The following MARCHF1 variants were observed in gnomAD, a reference collection of about 807,000 sequenced individuals.
MARCHF1 encodes the protein membrane associated ring-CH-type finger 1.
In MARCHF1, 40 loss-of-function variants were observed where a neutral mutation model predicts 54.2. The ratio of observed to expected loss-of-function variants is 0.74; its 90% confidence interval spans 0.57 to 0.96. The LOEUF (loss-of-function observed/expected upper bound fraction) is 0.96, where lower values mean the gene tolerates loss of function less well. Ranked by LOEUF, MARCHF1 falls within the 40% of genes least tolerant of loss-of-function variation. MARCHF1 has a pLI of 0.00. For missense variants in MARCHF1, 586 were observed against 656.5 expected, an observed-to-expected ratio of 0.89 and a Z score of 1.17; for synonymous variants, 236 against 236.3, an observed-to-expected ratio of 1.00 and a Z score of 0.01.
At chr4:164,376,213 T>G (rs1731186029) in intron 1 of MARCHF1, among the ~76,000 whole-genome samples, 1 of 152,210 alleles carries the variant, frequency 6.6e-6, no homozygotes, top group African/African-American at 2.4e-5. Flanking sequence ...TTAATCATTA[T>G]GTCAACAGAT....
intron 3 of MARCHF1, among the ~76,000 whole-genome samples, chr4:163,928,748 A>AATTGG (rs1751591853): frequency 6.6e-6 from 1 of 152,032 alleles, no homozygotes; most frequent in African/African-American, 2.4e-5. Context: ...AATCAAGGAA[A>AATTGG]ATTGGACATG....
intron 1 of MARCHF1, among the ~76,000 whole-genome samples, chr4:164,180,284 CAT>C (rs1194437114): frequency 1.3e-5 from 2 of 151,940 alleles, no homozygotes; most frequent in Non-Finnish European, 2.9e-5. Flanking sequence ...ATAAATTCAA[CAT>C]GTGCTGAATT....
chr4:163,624,814 T>C (rs1287548056), intron 5 of MARCHF1, among the ~76,000 whole-genome samples: 8 of 152,250 alleles, frequency 5.3e-5, no homozygotes, highest in Admixed American at 5.2e-4. Flanking sequence ...TCAATGCAGT[T>C]AATTGTTGAG....
chr4:163,549,680 ATTTTT>A (rs34896630), intron 8 of MARCHF1, among the ~76,000 whole-genome samples: 2 of 144,594 alleles, frequency 1.4e-5, no homozygotes, highest in Non-Finnish European at 3.0e-5. Context: ...CTTGCTTTTG[ATTTTT>A]TTTTTTTTTT....
intron 2 of MARCHF1, among the ~76,000 whole-genome samples, chr4:164,015,808 C>T (rs1449845503): frequency 1.3e-5 from 2 of 150,554 alleles, no homozygotes; most frequent in South Asian, 4.2e-4. Flanking sequence ...CAAGCAATAA[C>T]AAATGCGGAG....
rs72987772 is a variant in MARCHF1, at chr4:164,215,374, A to G, written c.-322-103712T>C. On this transcript the variant is annotated intron_variant, in intron 1 of 9. Transcript: ENST00000514618. ...GCTGCTTGTTTTCTTCCACCGATGC[A>G]TTCCTCTCCATGTCCAACTGCTTGT... Among the ~76,000 whole-genome samples the G allele has an allele frequency of 5.7e-3, 867 of 152,076 alleles. 10 individuals carry two copies. The highest frequency in any genetic ancestry group is 0.02 in the African/African-American group (839 of 41,498).
intron 7 of MARCHF1, among the ~76,000 whole-genome samples, chr4:163,606,273 T>C (rs776404678): frequency 6.6e-6 from 1 of 152,072 alleles, no homozygotes; most frequent in Non-Finnish European, 1.5e-5. Flanking sequence ...ATTGTCTCCA[T>C]GTTTTCTGCA....
chr4:164,010,230 C>T (rs1362019313), intron 2 of MARCHF1, among the ~76,000 whole-genome samples: 1 of 150,714 alleles, frequency 6.6e-6, no homozygotes, highest in Non-Finnish European at 1.5e-5. Context: ...CCACGCTCAG[C>T]GTTTTTTTTT....
At chr4:164,167,647 CAAT>C (rs1199842710) in intron 1 of MARCHF1, among the ~76,000 whole-genome samples, 1 of 151,704 alleles carries the variant, frequency 6.6e-6, no homozygotes, top group African/African-American at 2.4e-5. Context: ...AATTAATTTT[CAAT>C]AATGTCACCA....
At chr4:164,242,175 G>T (rs1732787347) in intron 1 of MARCHF1, among the ~76,000 whole-genome samples, 1 of 150,542 alleles carries the variant, frequency 6.6e-6, no homozygotes, top group South Asian at 2.1e-4. Flanking sequence ...TCTGGGGGCA[G>T]GGCACAGACA....
At chr4:164,034,112 T>TAGAC (rs1560872011) in intron 2 of MARCHF1, among the ~76,000 whole-genome samples, 9 of 113,114 alleles carry the variant, frequency 8.0e-5, no homozygotes, top group African/African-American at 1.0e-4. Flanking sequence ...GATAGATAGA[T>TAGAC]AGATAGAGAT....
In MARCHF1 at chr4:163,974,965, T is replaced by C. The variant is rs114526197; in HGVS notation, c.-39+13536A>G. On this transcript the variant is annotated intron_variant, in intron 3 of 9. Transcript: ENST00000514618. ...TAAAAATAAAAGGCTAAGCAAGAAT[T>C]CCTCCTGCCTGACTACTTAATCTGG... Among the ~76,000 whole-genome samples the C allele has an allele frequency of 9.2e-3, 1,405 of 152,224 alleles. 17 individuals are homozygous for C. The highest frequency in any genetic ancestry group is 0.029 in the African/African-American group (1,193 of 41,542).
chr4:163,916,772 A>G (rs1182697397), intron 3 of MARCHF1, among the ~76,000 whole-genome samples: 1 of 152,180 alleles, frequency 6.6e-6, no homozygotes, highest in Non-Finnish European at 1.5e-5. Flanking sequence ...CCACAGATGT[A>G]CAGCCACTGC....
intron 1 of MARCHF1, among the ~76,000 whole-genome samples, chr4:164,180,997 T>A (rs1196980307): frequency 1.3e-5 from 2 of 152,172 alleles, no homozygotes; most frequent in Non-Finnish European, 2.9e-5. Flanking sequence ...CTTCTCAAAG[T>A]AAAATTCTCA....
intron 3 of MARCHF1, among the ~76,000 whole-genome samples, chr4:163,941,364 C>T (rs992006426): frequency 2.6e-5 from 4 of 151,998 alleles, no homozygotes; most frequent in African/African-American, 9.7e-5. Context: ...AAGAACATTC[C>T]AAGAAACCAT....
chr4:164,214,730 C>T (rs1731878609), intron 1 of MARCHF1, among the ~76,000 whole-genome samples: 1 of 152,110 alleles, frequency 6.6e-6, no homozygotes, highest in South Asian at 2.1e-4. Flanking sequence ...AATTATAATG[C>T]CTTTTAAATT....
chr4:164,241,967 G>A (rs886612854), intron 1 of MARCHF1, among the ~76,000 whole-genome samples: 8 of 152,180 alleles, frequency 5.3e-5, no homozygotes, highest in African/African-American at 1.7e-4. Context: ...CACCTGGCTC[G>A]GAGGGTCCTA....
chr4:163,974,618 T>C (rs1201271614), intron 3 of MARCHF1, among the ~76,000 whole-genome samples: 1 of 152,210 alleles, frequency 6.6e-6, no homozygotes, highest in East Asian at 1.9e-4. Context: ...TTTAAGCTAC[T>C]CAGTTTTAAA....
rs144949128 is a variant in MARCHF1, at chr4:163,785,396, T to C, written c.111+68625A>G. On this transcript the variant is annotated intron_variant, in intron 4 of 9. Transcript: ENST00000514618. ...GTGTGTCACAACCTAAAGAAGCTGG[T>C]AGTTCACACCCTGACACACTTAGCC... 3.4e-3 allele frequency among the ~76,000 whole-genome samples: 515 copies of C among 152,196 alleles called. 1 individual carries two copies. The highest frequency in any genetic ancestry group is 0.011 in the African/African-American group (460 of 41,558).
Sources: allele counts gnomAD v4.1 joint callset (sites outside exome capture counted in the v4.1 genomes callset), GRCh38; gene constraint gnomAD v4.1.1; transcripts MANE v1.5; gene names NCBI Gene and HGNC (gene_info 2026-07-23, HGNC 2026-07-21).